The following RPS6KA5 variants were observed in gnomAD, a reference collection of about 807,000 sequenced individuals.
RPS6KA5 encodes ribosomal protein S6 kinase A5.
A neutral mutation model predicts 85.5 loss-of-function variants in RPS6KA5; 27 were observed. The observed-to-expected ratio is 0.32, with a 90% confidence interval of 0.23 to 0.44. The LOEUF (loss-of-function observed/expected upper bound fraction) is 0.44, where lower values mean the gene tolerates loss of function less well. RPS6KA5 is among the 20% of genes least tolerant of loss of function. RPS6KA5 has a pLI of 1.00. For missense variants in RPS6KA5, 811 were observed against 980.9 expected (o/e 0.83, Z 2.31); for synonymous variants, 334 against 348.2 (o/e 0.96, Z 0.46).
chr14:91,035,847 C>CAAAAAAAAAAAAAAAAAAAAAAAAAAA (rs199625173), intron 1 of RPS6KA5, among the ~76,000 whole-genome samples: 1 of 69,908 alleles, frequency 1.4e-5, no homozygotes, highest in African/African-American at 6.7e-5. Flanking sequence ...CCCTCACCTT[C>CAAAAAAAAAAAAAAAAAAAAAAAAAAA]AAAAAAAAAA....
intron 1 of RPS6KA5, among the ~76,000 whole-genome samples, chr14:91,002,440 A>C (rs1269782266): frequency 6.6e-6 from 1 of 152,148 alleles, no homozygotes; most frequent in Non-Finnish European, 1.5e-5. Context: ...CACTACATAG[A>C]ATTTAATGAG....
chr14:91,055,632 C>T (rs549559030), intron 1 of RPS6KA5, among the ~76,000 whole-genome samples: 1 of 152,168 alleles, frequency 6.6e-6, no homozygotes, highest in South Asian at 2.1e-4. Flanking sequence ...AATAAATTAG[C>T]CAGGTGTGGT....
chr14:90,987,684 TGAC>T (rs1261243043), intron 2 of RPS6KA5, among the ~76,000 whole-genome samples: 1 of 151,556 alleles, frequency 6.6e-6, no homozygotes, highest in Non-Finnish European at 1.5e-5. Flanking sequence ...GTTGATTAGA[TGAC>T]AGCAGCAGCA....
chr14:90,985,328 AC>A (rs1341278733), intron 2 of RPS6KA5, among the ~76,000 whole-genome samples: 3 of 152,234 alleles, frequency 2.0e-5, no homozygotes, highest in African/African-American at 7.2e-5. Flanking sequence ...TTAAAATGTA[AC>A]ATAATTAAAT....
chr14:90,858,359 C>T lies in RPS6KA5; in HGVS notation c.*13715G>A, dbSNP rs928992075. 3.3e-5 allele frequency: 5 copies of T among 151,908 alleles called. No homozygotes were observed. Among genetic ancestry groups the T allele is most frequent in the Non-Finnish European group, 7.4e-5 (5 of 68,002 alleles). The allele number at this position is 151,908 out of a possible 1,614,324, so 9.4% of individuals were successfully genotyped here. Reference sequence around the variant, plus strand: ...AATAAATCTCTGTCCAAGAACTGTTCGAGAATGATGTTAACATCACGTGTA... The same window carrying T: ...AATAAATCTCTGTCCAAGAACTGTTTGAGAATGATGTTAACATCACGTGTA... On this transcript the variant is annotated 3_prime_UTR_variant, in exon 17 of 17. Transcript: ENST00000614987.
intron 1 of RPS6KA5, among the ~76,000 whole-genome samples, chr14:91,017,224 A>T (rs542411823): frequency 6.6e-6 from 1 of 152,256 alleles, no homozygotes; most frequent in East Asian, 1.9e-4. Context: ...CCAAGCTACC[A>T]TGCCAGGTTG....
intron 1 of RPS6KA5, among the ~76,000 whole-genome samples, chr14:91,056,443 T>C (rs1468095894): frequency 6.6e-6 from 1 of 152,132 alleles, no homozygotes; most frequent in Non-Finnish European, 1.5e-5. Flanking sequence ...GTCTTTTCAG[T>C]AGTGGAAGCT....
chr14:91,028,101 C>CATAAATAATATGTAAT (rs2042052087), intron 1 of RPS6KA5, among the ~76,000 whole-genome samples: 1 of 152,070 alleles, frequency 6.6e-6, no homozygotes. Context: ...TTTATTTGGC[C>CATAAATAATATGTAAT]AAATGATGAA....
intron 5 of RPS6KA5, among the ~76,000 whole-genome samples, chr14:90,934,254 A>G (rs993585455): frequency 6.6e-6 from 1 of 152,250 alleles, no homozygotes; most frequent in Non-Finnish European, 1.5e-5. Context: ...GGAAAAAATT[A>G]TAAAATTTTC....
chr14:91,011,894 A>T (rs552396048), intron 1 of RPS6KA5, among the ~76,000 whole-genome samples: 238 of 152,330 alleles, frequency 1.6e-3, no homozygotes, highest in South Asian at 6.2e-3. Context: ...TTTTTATTTC[A>T]GAAAAAAAGG....
At chr14:91,051,190 G>C (rs1431078794) in intron 1 of RPS6KA5, among the ~76,000 whole-genome samples, 1 of 152,028 alleles carries the variant, frequency 6.6e-6, no homozygotes, top group Non-Finnish European at 1.5e-5. Flanking sequence ...AGTGAGCTGA[G>C]ATCACGCCAT....
intron 1 of RPS6KA5, among the ~76,000 whole-genome samples, chr14:91,036,794 C>T (rs576319920): frequency 4.6e-5 from 7 of 152,322 alleles, no homozygotes; most frequent in South Asian, 2.1e-4. Flanking sequence ...CCTGCCCCCT[C>T]TAGTTCAGGG....
Position 90,927,133 on chromosome 14 carries a change from A to G in RPS6KA5, c.619-3937T>C, listed in dbSNP as rs529353428. Reference sequence around the variant, plus strand: ...TCAGACTCTGTTAAGTCAGAGCACAAGTCTAAAATCAGGGTAATATTACAG... The same window carrying G: ...TCAGACTCTGTTAAGTCAGAGCACAGGTCTAAAATCAGGGTAATATTACAG... On this transcript the variant is annotated intron_variant, in intron 5 of 16. Coordinates refer to ENST00000614987, the MANE Select transcript of RPS6KA5 (RefSeq NM_004755.4). 5.9e-5 allele frequency among the ~76,000 whole-genome samples: 9 copies of G among 152,260 alleles called. No individual in the cohort carries two copies. In the East Asian group the frequency reaches 1.7e-3, roughly 29 times the overall value.
chr14:90,888,164 G>C (rs28571614), intron 14 of RPS6KA5, among the ~76,000 whole-genome samples: 2,595 of 151,948 alleles, frequency 0.017, 93 homozygotes, highest in African/African-American at 0.06. Flanking sequence ...CATTTAACCT[G>C]TTTTTTTGTC....
At chr14:91,024,039 T>C (rs1330810829) in intron 1 of RPS6KA5, among the ~76,000 whole-genome samples, 1 of 152,222 alleles carries the variant, frequency 6.6e-6, no homozygotes, top group Non-Finnish European at 1.5e-5. Flanking sequence ...ACATTTTCTT[T>C]GCCTGTTCTC....
intron 3 of RPS6KA5, among the ~76,000 whole-genome samples, chr14:90,949,341 T>C (rs1263561125): frequency 2.6e-5 from 4 of 152,244 alleles, no homozygotes; most frequent in Admixed American, 6.5e-5. Context: ...CTTTCTTCTA[T>C]GTTAGCACTG....
chr14:91,005,853 A>G (rs2040995462), intron 1 of RPS6KA5, among the ~76,000 whole-genome samples: 1 of 152,206 alleles, frequency 6.6e-6, no homozygotes, highest in South Asian at 2.1e-4. Context: ...GAAATAAAAC[A>G]TCAACCAATT....
chr14:91,014,550 T>A (rs2041402768), intron 1 of RPS6KA5, among the ~76,000 whole-genome samples: 1 of 151,852 alleles, frequency 6.6e-6, no homozygotes, highest in South Asian at 2.1e-4. Flanking sequence ...ATAAAGAAAT[T>A]TTCAGACTCA....
At chr14:90,885,252 C>CA (rs997481800) in intron 14 of RPS6KA5, among the ~76,000 whole-genome samples, 1,552 of 101,772 alleles carry the variant, frequency 0.015, 21 homozygotes, top group African/African-American at 0.034. Flanking sequence ...GATCTTGTCT[C>CA]AAAAAAAAAA....
Sources: allele counts gnomAD v4.1 joint callset (sites outside exome capture counted in the v4.1 genomes callset), GRCh38; gene constraint gnomAD v4.1.1; transcripts MANE v1.5; gene names NCBI Gene and HGNC (gene_info 2026-07-23, HGNC 2026-07-21).